Variants in WDR44 observed in about 807,000 individuals in gnomAD.
The protein encoded by WDR44 is WD repeat-containing protein 44.
A neutral mutation model predicts 65.7 loss-of-function variants in WDR44; 9 were observed. The observed-to-expected ratio is 0.14, with a 90% confidence interval of 0.08 to 0.24. The LOEUF (loss-of-function observed/expected upper bound fraction) is 0.24, where lower values mean the gene tolerates loss of function less well. Ranked by LOEUF, WDR44 falls within the 10% of genes least tolerant of loss-of-function variation. The pLI is 1.00. For missense variants in WDR44, 425 were observed against 670.9 expected, an observed-to-expected ratio of 0.63 and a Z score of 4.05; for synonymous variants, 220 against 235.2, an observed-to-expected ratio of 0.94 and a Z score of 0.59.
At chrX:118,378,547 TTTAC>T (rs957555060) in intron 2 of WDR44, 95 bp downstream of exon 2, 2 of 898,891 alleles carry the variant, frequency 2.2e-6, no homozygotes, top group African/African-American at 4.0e-5. Flanking sequence ...TTTGCTTTTT[TTTAC>T]TTACTTTTTG....
At chrX:118,364,228 T>C (rs2056535170) in intron 1 of WDR44, among the ~76,000 whole-genome samples, 1 of 112,555 alleles carries the variant, frequency 8.9e-6, no homozygotes, top group South Asian at 3.6e-4. Context: ...AATTCATCTT[T>C]AGCAAGTGCC....
At chrX:118,352,400 C>CCAGGCTA (rs1385082454) in intron 1 of WDR44, among the ~76,000 whole-genome samples, 3 of 77,181 alleles carry the variant, frequency 3.9e-5, no homozygotes, top group African/African-American at 1.5e-4. Flanking sequence ...ACCATGTTGC[C>CCAGGCTA]CAGGCTAGTC....
rs745346777 is a variant in WDR44 at position 118,387,396 on chromosome X, A to G, written c.168A>G (p.Lys56=). The G allele has an allele frequency of 1.7e-6, 2 of 1,193,858 alleles. No individual in the cohort carries two copies. The highest frequency in any genetic ancestry group is 3.6e-5 in the South Asian group (2 of 55,095). The change falls in exon 3 of 20, where the codon AAA becomes AAG. Residue 56 remains lysine (K), a synonymous_variant. Coordinates refer to ENST00000254029, the MANE Select transcript of WDR44 (RefSeq NM_019045.5). ...VGNESPVQEL[K]QDVSKKIIES... is the part of the protein sequence containing the mutation. ...ATGAGTCCCCTGTACAAGAATTGAA[A>G]CAAGATGTGTCTAAAAAGGTTGGAA...
chrX:118,407,151 A>T, intron 10 of WDR44, 125 bp downstream of exon 10: 1 of 647,120 alleles, frequency 1.5e-6, no homozygotes, highest in Non-Finnish European at 2.3e-6. Flanking sequence ...CGGGGAATTT[A>T]TGTTAACATG....
intron 7 of WDR44, among the ~76,000 whole-genome samples, chrX:118,397,477 T>C (rs1374825783): frequency 9.0e-6 from 1 of 110,785 alleles, no homozygotes; most frequent in African/African-American, 3.3e-5. Flanking sequence ...CTGGGCAACA[T>C]AGTGAGACCT....
chrX:118,407,513 A>AC (rs1381326096), intron 10 of WDR44, among the ~76,000 whole-genome samples: 1 of 110,681 alleles, frequency 9.0e-6, no homozygotes, highest in Non-Finnish European at 1.9e-5. Context: ...AAAAAAAAAA[A>AC]AAAAAGAAAG....
chrX:118,417,703 T>A (rs919051639), intron 12 of WDR44, among the ~76,000 whole-genome samples: 1 of 112,207 alleles, frequency 8.9e-6, no homozygotes, highest in African/African-American at 3.2e-5. Flanking sequence ...TTGTTCTTTG[T>A]GCTTCTTGTA....
chrX:118,424,339 A>ATATATATATATATGTG lies in WDR44; in HGVS notation c.1738-8433_1738-8432insATATGTGTATATATAT, dbSNP rs762485693. ...TGTGTGTGTGTATATATATATATAT[A>ATATATATATATATGTG]TATATATATGTATATATATATAATG... On this transcript the variant is annotated intron_variant, in intron 12 of 19. Transcript: ENST00000254029. Among the ~76,000 whole-genome samples the ATATATATATATATGTG allele has an allele frequency of 1.1e-4, 9 of 85,286 alleles. No individual in the cohort carries two copies. In the South Asian group the frequency reaches 3.2e-3, roughly 30 times the overall value. The allele number at this position is 85,286 out of a possible 115,157, so 74.1% of individuals were successfully genotyped here.
chrX:118,396,759 A>G (rs1041139188), intron 6 of WDR44, among the ~76,000 whole-genome samples: 1 of 111,981 alleles, frequency 8.9e-6, no homozygotes, highest in African/African-American at 3.2e-5. Flanking sequence ...AACTCTGTGA[A>G]TATACTAAAA....
intron 8 of WDR44, among the ~76,000 whole-genome samples, chrX:118,403,495 A>G (rs1332079662): frequency 2.7e-5 from 2 of 74,796 alleles, no homozygotes; most frequent in African/African-American, 3.0e-4. Flanking sequence ...CTGTTCCTCT[A>G]TTGACAAAAA....
At chrX:118,351,661 G>T (rs1357579902) in intron 1 of WDR44, among the ~76,000 whole-genome samples, 2 of 111,632 alleles carry the variant, frequency 1.8e-5, no homozygotes, top group African/African-American at 6.5e-5. Flanking sequence ...TAAATTTAGT[G>T]ACATCCGGCC....
At chrX:118,360,204 A>G (rs186585481) in intron 1 of WDR44, among the ~76,000 whole-genome samples, 2 of 111,877 alleles carry the variant, frequency 1.8e-5, no homozygotes, top group Non-Finnish European at 3.8e-5. Context: ...CATTTCTTCA[A>G]TTTGAGTAGC....
chrX:118,352,352 ATTTTTTT>A (rs556374639), intron 1 of WDR44, among the ~76,000 whole-genome samples: 3 of 14,222 alleles, frequency 2.1e-4, no homozygotes, highest in African/African-American at 1.1e-3. Context: ...ATATATATAT[ATTTTTTT>A]TTTTTTTTTT....
chrX:118,356,129 A>G (rs1477086121), intron 1 of WDR44, among the ~76,000 whole-genome samples: 2 of 112,251 alleles, frequency 1.8e-5, no homozygotes, highest in Non-Finnish European at 3.8e-5. Flanking sequence ...ATTTGTTTTC[A>G]AAGTTCTTTT....
At chrX:118,448,791 C>T (rs748407217) in intron 19 of WDR44, 102 bp from the exon 20 acceptor site, 5 of 459,809 alleles carry the variant, frequency 1.1e-5, no homozygotes, top group African/African-American at 7.4e-5. Flanking sequence ...GGGAGATGAT[C>T]TTCTCCCCTG....
At chrX:118,398,530 C>T in intron 8 of WDR44, 60 bp downstream of exon 8, 1 of 940,855 alleles carries the variant, frequency 1.1e-6, no homozygotes, top group South Asian at 2.1e-5. Flanking sequence ...AATATGAGAA[C>T]TACCATACTA....
chrX:118,383,633 T>A (rs1302712554), intron 2 of WDR44, among the ~76,000 whole-genome samples: 1 of 110,400 alleles, frequency 9.1e-6, no homozygotes, highest in Non-Finnish European at 1.9e-5. Context: ...AACTGTTATT[T>A]ATTTATTTAT....
intron 9 of WDR44, among the ~76,000 whole-genome samples, chrX:118,405,681 A>G (rs1427764656): frequency 9.0e-6 from 1 of 111,541 alleles, no homozygotes; most frequent in African/African-American, 3.3e-5. Flanking sequence ...CTCCATATCC[A>G]TGGGTTCCAC....
intron 4 of WDR44, among the ~76,000 whole-genome samples, 194 bp downstream of exon 4, chrX:118,393,465 G>C (rs1390154432): frequency 9.0e-6 from 1 of 110,781 alleles, no homozygotes; most frequent in Non-Finnish European, 1.9e-5. Context: ...GGTGGCACGC[G>C]CCTGTAGTCC....
Sources: gnomAD v4.1 joint callset for allele counts (sites outside exome capture counted in the v4.1 genomes callset) on GRCh38, gnomAD v4.1.1 for gene constraint, MANE v1.5 for transcripts, NCBI Gene and HGNC (gene_info 2026-07-23, HGNC 2026-07-21) for gene names.